The following GRM3 variants were observed in gnomAD, a reference collection of about 807,000 sequenced individuals.
The protein encoded by GRM3 is glutamate metabotropic receptor 3, also known as metabotropic glutamate receptor 3.
A neutral mutation model predicts 70.5 loss-of-function variants in GRM3; 26 were observed. That is an observed-to-expected ratio of 0.37 (90% confidence interval 0.27 to 0.51). GRM3 has a LOEUF of 0.51. Among genes scored for constraint, GRM3 ranks in the 20% least tolerant of loss-of-function variants. The pLI is 0.93. For missense variants in GRM3, 859 were observed against 1,123.8 expected, an observed-to-expected ratio of 0.76 and a Z score of 3.37; for synonymous variants, 443 against 434.9, an observed-to-expected ratio of 1.02 and a Z score of -0.23.
In GRM3 at chr7:86,725,138, G is replaced by A. The variant is rs141917931; in HGVS notation, c.-140-39868G>A. Among the ~76,000 whole-genome samples, 11 of 152,008 alleles carry A rather than the reference G, an allele frequency of 7.2e-5. No individual in the cohort carries two copies. The East Asian group carries it at 2.1e-3, about 29-fold the overall frequency. ...TTTAATTTCATGGCTATAACTTTAG[G>A]TACATTTCTTAAGTTCTCTCTTCTT... On this transcript the variant is annotated intron_variant, in intron 1 of 5. Transcript: ENST00000361669.
chr7:86,718,390 T>C (rs973068727), intron 1 of GRM3, among the ~76,000 whole-genome samples: 1 of 151,988 alleles, frequency 6.6e-6, no homozygotes, highest in Non-Finnish European at 1.5e-5. Flanking sequence ...TGAATAAGAA[T>C]GATACATGTT....
At chr7:86,677,738 T>G (rs190173649) in intron 1 of GRM3, among the ~76,000 whole-genome samples, 63 of 152,132 alleles carry the variant, frequency 4.1e-4, no homozygotes, top group Admixed American at 3.4e-3. Flanking sequence ...CAAAGATTTC[T>G]AAAAGTTCAA....
chr7:86,762,226 A>G (rs1796497075), intron 1 of GRM3, among the ~76,000 whole-genome samples: 1 of 152,130 alleles, frequency 6.6e-6, no homozygotes, highest in Non-Finnish European at 1.5e-5. Flanking sequence ...AACTTTTTAA[A>G]AAAATTATTA....
intron 5 of GRM3, among the ~76,000 whole-genome samples, chr7:86,862,936 G>A (rs1798987770): frequency 6.6e-6 from 1 of 152,144 alleles, no homozygotes; most frequent in Non-Finnish European, 1.5e-5. Flanking sequence ...CAGTTTATCT[G>A]CAGGTTAACT....
At chr7:86,680,001 C>A (rs1442909174) in intron 1 of GRM3, among the ~76,000 whole-genome samples, 1 of 152,034 alleles carries the variant, frequency 6.6e-6, no homozygotes, top group African/African-American at 2.4e-5. Flanking sequence ...AAAAATAAAT[C>A]AAAATATAGA....
intron 1 of GRM3, among the ~76,000 whole-genome samples, chr7:86,720,411 C>A (rs746762643): frequency 6.6e-6 from 1 of 151,954 alleles, no homozygotes; most frequent in African/African-American, 2.4e-5. Flanking sequence ...TAGCTTTAGA[C>A]ATCAGAAGAT....
intron 1 of GRM3, among the ~76,000 whole-genome samples, chr7:86,761,121 A>G (rs1011704442): frequency 6.6e-6 from 1 of 152,144 alleles, no homozygotes; most frequent in African/African-American, 2.4e-5. Flanking sequence ...TTAGAATGTT[A>G]TTTGACAGCA....
intron 3 of GRM3, among the ~76,000 whole-genome samples, chr7:86,813,537 C>G (rs1797955808): frequency 6.6e-6 from 1 of 151,882 alleles, no homozygotes; most frequent in Non-Finnish European, 1.5e-5. Flanking sequence ...TTAGCCTGAT[C>G]ATCTGAGTTC....
chr7:86,754,944 C>T (rs906972513), intron 1 of GRM3, among the ~76,000 whole-genome samples: 4 of 152,104 alleles, frequency 2.6e-5, no homozygotes, highest in Admixed American at 1.3e-4. Flanking sequence ...CAAGAGCTTA[C>T]ATGCATTCTT....
At chr7:86,864,061 G>A (rs1366533958) in intron 5 of GRM3, among the ~76,000 whole-genome samples, 1 of 151,616 alleles carries the variant, frequency 6.6e-6, no homozygotes, top group East Asian at 1.9e-4. Flanking sequence ...GGGAATAGAT[G>A]GTATTTGGTT....
chr7:86,693,576 G>T (rs777656385), intron 1 of GRM3, among the ~76,000 whole-genome samples: 6 of 152,094 alleles, frequency 3.9e-5, no homozygotes, highest in Non-Finnish European at 5.9e-5. Context: ...CCAAATCGTA[G>T]GAAAATAAGA....
chr7:86,846,738 C>T (rs946761108), intron 4 of GRM3, among the ~76,000 whole-genome samples: 3 of 152,176 alleles, frequency 2.0e-5, no homozygotes, highest in African/African-American at 7.2e-5. Flanking sequence ...GTTAATCATA[C>T]AATTTGGTCA....
At chr7:86,739,728 G>A (rs1458534756) in intron 1 of GRM3, among the ~76,000 whole-genome samples, 2 of 152,168 alleles carry the variant, frequency 1.3e-5, no homozygotes, top group African/African-American at 4.8e-5. Flanking sequence ...GAGAACTATT[G>A]TAACAAGCCA....
chr7:86,775,418 G>A (rs1018702519), intron 2 of GRM3: 1 of 152,052 alleles, frequency 6.6e-6, no homozygotes, highest in Non-Finnish European at 1.5e-5. Flanking sequence ...GCATTATTGA[G>A]ATGACATCAT....
chr7:86,700,023 G>A (rs558405176), intron 1 of GRM3, among the ~76,000 whole-genome samples: 2 of 151,916 alleles, frequency 1.3e-5, no homozygotes, highest in South Asian at 2.1e-4. Flanking sequence ...CTTAAACTTC[G>A]TGAATTTTCC....
chr7:86,777,732 T>G (rs1233776224), intron 2 of GRM3, among the ~76,000 whole-genome samples: 1 of 152,172 alleles, frequency 6.6e-6, no homozygotes, highest in Non-Finnish European at 1.5e-5. Flanking sequence ...ATGATTGGAC[T>G]CCTTTATGGG....
rs1449821312 is a variant in GRM3 at position 86,692,496 on chromosome 7, C to CTTCACGTCA, written c.-141+47629_-141+47637dup. Among the ~76,000 whole-genome samples the CTTCACGTCA allele has an allele frequency of 2.6e-5, 4 of 152,296 alleles. No homozygotes were observed. The South Asian group carries it at 6.2e-4, about 24-fold the overall frequency. ...TACCAGATTTAGCAATGGCTTATGC[C>CTTCACGTCA]TTCACGTCATTCAGTTATTTGCTCA... On this transcript the variant is annotated intron_variant, in intron 1 of 5. Coordinates refer to ENST00000361669, the MANE Select transcript of GRM3 (RefSeq NM_000840.3).
chr7:86,805,576 C>G (rs536525996), intron 3 of GRM3, among the ~76,000 whole-genome samples: 1 of 152,202 alleles, frequency 6.6e-6, no homozygotes, highest in Non-Finnish European at 1.5e-5. Context: ...CTCCCCTGTG[C>G]TCCACCTATT....
chr7:86,847,571 A>G (rs550561698), intron 4 of GRM3, among the ~76,000 whole-genome samples: 1 of 152,292 alleles, frequency 6.6e-6, no homozygotes, highest in East Asian at 1.9e-4. Flanking sequence ...GGGATGGTGA[A>G]GAAAGAGAGT....
Sources: gnomAD v4.1 joint callset for allele counts (sites outside exome capture counted in the v4.1 genomes callset) on GRCh38, gnomAD v4.1.1 for gene constraint, MANE v1.5 for transcripts, NCBI Gene and HGNC (gene_info 2026-07-23, HGNC 2026-07-21) for gene names.